Variants in EPHA6 observed in about 807,000 individuals in gnomAD.
EPHA6 encodes the protein EPH receptor A6.
Under a neutral mutation model 112.0 loss-of-function variants are expected in EPHA6, and 50 were observed. The ratio of observed to expected loss-of-function variants is 0.45; its 90% CI spans 0.36 to 0.56. EPHA6 has a LOEUF of 0.56. Among genes scored for constraint, EPHA6 ranks in the 20% least tolerant of loss-of-function variants. The pLI is 0.00. For missense variants in EPHA6, 1,280 were observed against 1,417.4 expected (o/e 0.90, Z 1.56); for synonymous variants, 529 against 490.7 (o/e 1.08, Z -1.03).
At chr3:97,377,640 A>G (rs189160168) in intron 5 of EPHA6, among the ~76,000 whole-genome samples, 11 of 152,306 alleles carry the variant, frequency 7.2e-5, no homozygotes, top group Non-Finnish European at 2.9e-5. Flanking sequence ...TGAACGGACA[A>G]TGAAATTCAG....
chr3:96,836,113 CTG>C (rs138574152), intron 1 of EPHA6, among the ~76,000 whole-genome samples: 2,748 of 152,126 alleles, frequency 0.018, 68 homozygotes, highest in African/African-American at 0.05. Flanking sequence ...GCTTTCATCT[CTG>C]TGAATTTTTT....
intron 3 of EPHA6, among the ~76,000 whole-genome samples, chr3:97,120,123 G>A (rs1028535870): frequency 6.6e-6 from 1 of 151,802 alleles, no homozygotes; most frequent in East Asian, 1.9e-4. Context: ...GTTCCTTCTA[G>A]GTCAATGTAT....
In EPHA6 at chr3:97,061,827, A is replaced by G. The variant is rs188011525; in HGVS notation, c.1114+73834A>G. Reference sequence around the variant, plus strand: ...ATACTATAGTATGTGCTATTATACTATAGTATGTCCTGGGTGCTGGAAATA... The same window carrying G: ...ATACTATAGTATGTGCTATTATACTGTAGTATGTCCTGGGTGCTGGAAATA... On this transcript the variant is annotated intron_variant, in intron 3 of 17. Transcript: ENST00000389672. Among the ~76,000 whole-genome samples, 24 of 152,236 alleles carry G rather than the reference A, an allele frequency of 1.6e-4. 1 individual carries two copies. In the East Asian group the frequency reaches 4.3e-3, roughly 27 times the overall value.
chr3:97,371,513 C>T (rs2085052482), intron 5 of EPHA6, among the ~76,000 whole-genome samples: 1 of 152,162 alleles, frequency 6.6e-6, no homozygotes. Context: ...TTACTTTAAT[C>T]TCTTAATCCC....
intron 3 of EPHA6, among the ~76,000 whole-genome samples, chr3:97,184,870 T>A (rs1350911115): frequency 6.6e-6 from 1 of 152,122 alleles, no homozygotes; most frequent in Non-Finnish European, 1.5e-5. Context: ...AACAGAGATA[T>A]AGACCAATGG....
intron 2 of EPHA6, among the ~76,000 whole-genome samples, chr3:96,959,689 G>T (rs898223098): frequency 9.2e-5 from 14 of 151,654 alleles, no homozygotes; most frequent in African/African-American, 3.4e-4. Context: ...GTAAGGAAGG[G>T]GTCTGACTCA....
chr3:97,442,073 G>A (rs962612125), intron 6 of EPHA6, among the ~76,000 whole-genome samples: 9 of 151,908 alleles, frequency 5.9e-5, no homozygotes, highest in Non-Finnish European at 8.8e-5. Flanking sequence ...TTAAAACTTC[G>A]GATGAATCAA....
At chr3:97,481,344 A>C (rs2091537266) in intron 9 of EPHA6, 2 of 1,559,814 alleles carry the variant, frequency 1.3e-6, no homozygotes, top group Non-Finnish European at 1.8e-6. Context: ...ACTTGTGCAA[A>C]ATATCCAACA....
chr3:97,247,045 TAAATA>T (rs1247570925), intron 5 of EPHA6, among the ~76,000 whole-genome samples: 3 of 152,028 alleles, frequency 2.0e-5, no homozygotes, highest in Non-Finnish European at 4.4e-5. Context: ...TATTGCTTAG[TAAATA>T]AAATAAAATA....
At chr3:97,316,693 A>T (rs1031832787) in intron 5 of EPHA6, among the ~76,000 whole-genome samples, 3 of 151,824 alleles carry the variant, frequency 2.0e-5, no homozygotes, top group Non-Finnish European at 4.4e-5. Context: ...TAAAATGCCA[A>T]CTCTAATGTG....
intron 16 of EPHA6, among the ~76,000 whole-genome samples, chr3:97,740,182 ATT>A: frequency 6.6e-6 from 1 of 152,132 alleles, no homozygotes; most frequent in Middle Eastern, 3.4e-3. Context: ...CTACACATTT[ATT>A]CTGCATTGTC....
In EPHA6 at chr3:97,731,239, T is replaced by C. The variant is rs181731063; in HGVS notation, c.2935-4686T>C. 1.2e-3 allele frequency among the ~76,000 whole-genome samples: 181 copies of C among 152,150 alleles called. 2 individuals are homozygous for C. Among genetic ancestry groups the C allele is most frequent in the Admixed American group, 0.011 (163 of 15,274 alleles). The stretch of plus-strand genomic sequence containing the variant: ...CCCAGATGACTCCCTGACCGCTAAC[T>C]TGAATCACTGGAAGAATGGCAGTAC... On this transcript the variant is annotated intron_variant, in intron 15 of 17. Coordinates refer to ENST00000389672, the MANE Select transcript of EPHA6 (RefSeq NM_001080448.3).
chr3:97,272,181 G>A (rs1239895718), intron 5 of EPHA6, among the ~76,000 whole-genome samples: 1 of 152,096 alleles, frequency 6.6e-6, no homozygotes, highest in East Asian at 1.9e-4. Context: ...AGATCATACA[G>A]CATTTTCCTT....
At chr3:96,970,431 T>C (rs2042274078) in intron 2 of EPHA6, among the ~76,000 whole-genome samples, 1 of 152,092 alleles carries the variant, frequency 6.6e-6, no homozygotes, top group Non-Finnish European at 1.5e-5. Flanking sequence ...TCTGTTCACC[T>C]GAGTCATCCT....
At chr3:97,400,571 A>G (rs750392291) in intron 5 of EPHA6, among the ~76,000 whole-genome samples, 8 of 151,556 alleles carry the variant, frequency 5.3e-5, no homozygotes, top group Non-Finnish European at 1.2e-4. Flanking sequence ...GCATGTCTTT[A>G]CATTTATTTG....
chr3:96,823,255 A>G (rs978542499), intron 1 of EPHA6, among the ~76,000 whole-genome samples: 2 of 151,744 alleles, frequency 1.3e-5, no homozygotes, highest in African/African-American at 4.8e-5. Flanking sequence ...TATCTCACAC[A>G]AGTAAAATTG....
chr3:97,003,196 C>A (rs902954547), intron 3 of EPHA6, among the ~76,000 whole-genome samples: 2 of 152,176 alleles, frequency 1.3e-5, no homozygotes, highest in Admixed American at 1.3e-4. Flanking sequence ...CAACCTCTGC[C>A]TCCTGGGTTC....
intron 2 of EPHA6, among the ~76,000 whole-genome samples, chr3:96,891,341 A>G (rs1021281454): frequency 6.6e-6 from 1 of 152,226 alleles, no homozygotes; most frequent in African/African-American, 2.4e-5. Flanking sequence ...ACCAAAGAGC[A>G]CATACAGTGT....
intron 10 of EPHA6, among the ~76,000 whole-genome samples, chr3:97,492,388 A>C (rs2091863783): frequency 6.6e-6 from 1 of 151,268 alleles, no homozygotes; most frequent in Admixed American, 6.6e-5. Context: ...ACTAAAATAC[A>C]AAAATTAGCC....
Sources: gnomAD v4.1 joint callset for allele counts (sites outside exome capture counted in the v4.1 genomes callset) on GRCh38, gnomAD v4.1.1 for gene constraint, MANE v1.5 for transcripts, NCBI Gene and HGNC (gene_info 2026-07-23, HGNC 2026-07-21) for gene names.